SUGCT: variants seen among roughly 807,000 people sequenced by gnomAD.
The protein encoded by SUGCT is succinyl-CoA:glutarate-CoA transferase, also known as succinyl-CoA:glutarate CoA-transferase.
Under a neutral mutation model 55.0 loss-of-function variants are expected in SUGCT, and 41 were observed. That is an observed-to-expected ratio of 0.74 (90% confidence interval 0.58 to 0.97). The LOEUF (loss-of-function observed/expected upper bound fraction) is 0.97, where lower values mean the gene tolerates loss of function less well. SUGCT is among the 50% of genes least tolerant of loss of function. The probability of loss-of-function intolerance (pLI) is 0.00; values close to 1 mark genes in which losing one functional copy is unlikely to be tolerated. For missense variants in SUGCT, 568 were observed against 547.8 expected (o/e 1.04, Z -0.37); for synonymous variants, 187 against 200.4 (o/e 0.93, Z 0.56).
At chr7:41,002,674 C>T in the SUGCT span, among the ~76,000 whole-genome samples, 3 of 152,206 alleles carry the variant, frequency 2.0e-5, no homozygotes, top group South Asian at 4.1e-4. Context: ...AAGTCTTGGC[C>T]GCTATTATGA....
At chr7:40,975,782 A>C in the SUGCT span, among the ~76,000 whole-genome samples, 1 of 152,212 alleles carries the variant, frequency 6.6e-6, no homozygotes, top group African/African-American at 2.4e-5. Flanking sequence ...GCAAGGAAGA[A>C]CTGGGTTTAG....
intron 6 of SUGCT, among the ~76,000 whole-genome samples, chr7:40,235,297 A>C (rs1788949141): frequency 6.6e-6 from 1 of 151,996 alleles, no homozygotes. Context: ...TTATTTATTT[A>C]CTTTTTATAG....
the SUGCT span, among the ~76,000 whole-genome samples, chr7:40,969,070 A>G: frequency 1.3e-5 from 2 of 152,236 alleles, no homozygotes; most frequent in Admixed American, 6.5e-5. Flanking sequence ...AGGAAGAGAA[A>G]GAACCTGTAA....
intron 6 of SUGCT, among the ~76,000 whole-genome samples, chr7:40,216,498 C>CAAAA (rs1022915051): frequency 7.4e-3 from 345 of 46,900 alleles, no homozygotes; most frequent in Non-Finnish European, 0.011. Context: ...GACTCCGTCT[C>CAAAA]AAAAAAAAAA....
At chr7:40,344,727 C>T (rs1487221426) in intron 9 of SUGCT, among the ~76,000 whole-genome samples, 2 of 152,156 alleles carry the variant, frequency 1.3e-5, no homozygotes, top group African/African-American at 4.8e-5. Context: ...CACTCTGTAT[C>T]CCTTCTTGGG....
intron 7 of SUGCT, among the ~76,000 whole-genome samples, chr7:40,257,893 T>G (rs565934737): frequency 6.6e-6 from 1 of 152,098 alleles, no homozygotes; most frequent in East Asian, 1.9e-4. Flanking sequence ...AATAAATAAA[T>G]AAAATTTAAG....
At chr7:40,596,046 G>A (rs1470900588) in intron 12 of SUGCT, among the ~76,000 whole-genome samples, 1 of 152,072 alleles carries the variant, frequency 6.6e-6, no homozygotes, top group African/African-American at 2.4e-5. Flanking sequence ...ATTTTATTCG[G>A]GACATGGCTG....
At chr7:40,424,687 G>C (rs1787491882) in intron 9 of SUGCT, among the ~76,000 whole-genome samples, 1 of 152,130 alleles carries the variant, frequency 6.6e-6, no homozygotes, top group Non-Finnish European at 1.5e-5. Flanking sequence ...TATTTAAATA[G>C]TGAGTAGATT....
the SUGCT span, among the ~76,000 whole-genome samples, chr7:40,908,002 A>T: frequency 6.6e-6 from 1 of 151,954 alleles, no homozygotes; most frequent in East Asian, 1.9e-4. Context: ...TAAGATGTAT[A>T]TGCAGATTGG....
intron 8 of SUGCT, among the ~76,000 whole-genome samples, chr7:40,296,934 A>G (rs539644562): frequency 6.6e-6 from 1 of 152,244 alleles, no homozygotes; most frequent in East Asian, 1.9e-4. Flanking sequence ...TATGACCCTC[A>G]AGCAAGTCAT....
At chr7:40,184,995 G>A (rs900736082) in intron 3 of SUGCT, among the ~76,000 whole-genome samples, 1 of 152,138 alleles carries the variant, frequency 6.6e-6, no homozygotes, top group Non-Finnish European at 1.5e-5. Context: ...TCTCTGATGA[G>A]CATGGGGAAT....
chr7:40,377,125 TTC>T (rs1784588347), intron 9 of SUGCT, among the ~76,000 whole-genome samples: 1 of 10,704 alleles, frequency 9.3e-5, no homozygotes, highest in Non-Finnish European at 9.7e-4. Context: ...ATTTTCAGCC[TTC>T]CTCTTTCTTT....
At chr7:41,026,089 C>T in the SUGCT span, among the ~76,000 whole-genome samples, 1 of 152,216 alleles carries the variant, frequency 6.6e-6, no homozygotes, top group African/African-American at 2.4e-5. Context: ...TCTGGAGCTG[C>T]ACCTGCTGCC....
At chr7:40,384,979 T>A (rs1249338966) in intron 9 of SUGCT, among the ~76,000 whole-genome samples, 1 of 152,042 alleles carries the variant, frequency 6.6e-6, no homozygotes, top group Non-Finnish European at 1.5e-5. Flanking sequence ...TCCTCAAGGG[T>A]CTGGGAGGCA....
intron 12 of SUGCT, among the ~76,000 whole-genome samples, chr7:40,659,429 G>A (rs991541614): frequency 6.6e-6 from 1 of 152,108 alleles, no homozygotes; most frequent in Non-Finnish European, 1.5e-5. Flanking sequence ...CTGCCTGAGC[G>A]TCCTCATGAC....
At chr7:40,565,224 AC>A (rs547391802) in intron 12 of SUGCT, among the ~76,000 whole-genome samples, 123 of 152,166 alleles carry the variant, frequency 8.1e-4, no homozygotes, top group Non-Finnish European at 1.4e-3. Flanking sequence ...TGGAAAACTT[AC>A]CCCCTAGGTC....
intron 10 of SUGCT, among the ~76,000 whole-genome samples, chr7:40,450,578 C>T (rs1449735253): frequency 6.6e-6 from 1 of 151,912 alleles, no homozygotes; most frequent in African/African-American, 2.4e-5. Context: ...AGTTCTCGAC[C>T]AGCCTGAGCA....
chr7:40,483,102 C>T (rs555999866), intron 11 of SUGCT, among the ~76,000 whole-genome samples: 3 of 152,104 alleles, frequency 2.0e-5, no homozygotes, highest in Admixed American at 6.6e-5. Context: ...ATTCTGTTTA[C>T]GGTAGAAATG....
Position 40,740,293 on chromosome 7 carries a change from A to C in SUGCT, c.1090-9141A>C, listed in dbSNP as rs540931291. 1.2e-4 allele frequency among the ~76,000 whole-genome samples: 18 copies of C among 152,098 alleles called. 1 individual carries two copies. Among genetic ancestry groups the C allele is most frequent in the African/African-American group, 4.3e-4 (18 of 41,542 alleles). ...TTGAAGAAGTCATTTATTAGTCCTA[A>C]GAGTATTTTTGTATATTTTCTTGAC... On this transcript the variant is annotated intron_variant, in intron 12 of 13. Coordinates refer to ENST00000335693, the MANE Select transcript of SUGCT (RefSeq NM_001193313.2).
Sources: allele counts gnomAD v4.1 joint callset (sites outside exome capture counted in the v4.1 genomes callset), GRCh38; gene constraint gnomAD v4.1.1; transcripts MANE v1.5; gene names NCBI Gene and HGNC (gene_info 2026-07-23, HGNC 2026-07-21).